The following WDR62 variants were observed in gnomAD, a reference collection of about 807,000 sequenced individuals.
WDR62 encodes WD repeat domain 62, also known as WD repeat-containing protein 62.
Under a neutral mutation model 160.6 loss-of-function variants are expected in WDR62, and 112 were observed. The ratio of observed to expected loss-of-function variants is 0.70; its 90% CI spans 0.60 to 0.82. The LOEUF is 0.82. WDR62 is among the 40% of genes least tolerant of loss of function. The pLI, the probability that WDR62 is intolerant of heterozygous loss-of-function variation, is 0.00. For missense variants in WDR62, 1,819 were observed against 1,983.8 expected (o/e 0.92, Z 1.58); for synonymous variants, 792 against 815.1 (o/e 0.97, Z 0.48).
At position 36,059,988 on chromosome 19, in the gene WDR62, A is replaced by G. The variant is rs771042362; in HGVS notation, c.290A>G (p.Asp97Gly). Residue 97 changes from aspartate to glycine, a missense_variant, in exon 3 of 32, where the codon GAC (aspartate) becomes GGC (glycine). By Grantham distance (94) the Asp-to-Gly change is moderately conservative. This residue lies in a region of WDR62 where 934 missense variants were observed against 1,157.2 expected (regional missense o/e 0.81). Transcript: ENST00000401500. ...YLAGCVVVIL[D>G]PKENKQQHIF... is the part of the protein sequence containing the mutation. ...CCCAGCTGTGTGGTGGTGATTTTGG[A>G]CCCCAAGGAGAACAAGCAGCAGCAC... 1.2e-6 allele frequency: 2 copies of G among 1,614,092 alleles called. No homozygotes were observed. The highest frequency in any genetic ancestry group is 1.6e-4 in the Middle Eastern group (1 of 6,062).
chr19:36,064,796 G>A (rs968486576), intron 3 of WDR62, among the ~76,000 whole-genome samples: 8 of 151,666 alleles, frequency 5.3e-5, no homozygotes, highest in Non-Finnish European at 1.2e-4. Context: ...CAGGCTGTTC[G>A]CGAATTCCTG....
chr19:36,104,812 G>A lies in WDR62; in HGVS notation c.4356G>A (p.Arg1452=), dbSNP rs776064292. The stretch of plus-strand genomic sequence containing the variant: ...TGGACACCGGGCAGCAGCAGGCACG[G>A]ACTGAGCTGGTCTCCACCTTCCTGT... ...GQVDTGQQQA[R]TELVSTFLWI... is the part of the protein sequence containing the mutation. Residue 1452 remains arginine, a synonymous_variant, in exon 32 of 32, where the codon CGG becomes CGA. Coordinates refer to ENST00000401500, the MANE Select transcript of WDR62 (RefSeq NM_001083961.2). 1.9e-6 allele frequency: 3 copies of A among 1,613,610 alleles called. No homozygotes were observed. Among genetic ancestry groups the A allele is most frequent in the Non-Finnish European group, 2.5e-6 (3 of 1,180,016 alleles).
At chr19:36,076,263 G>GT (rs946744804) in intron 9 of WDR62, among the ~76,000 whole-genome samples, 146 of 145,454 alleles carry the variant, frequency 1.0e-3, no homozygotes, top group South Asian at 3.9e-3. Flanking sequence ...AAAAGACCAT[G>GT]TTTTTTTTTT....
At chr19:36,081,904 C>A in intron 10 of WDR62, 1 of 490,638 alleles carries the variant, frequency 2.0e-6, no homozygotes, top group South Asian at 1.5e-5. Flanking sequence ...TGGGAGAGCA[C>A]CTGATGAGCC....
intron 18 of WDR62, 94 bp from the exon 19 acceptor site, chr19:36,092,595 A>G (rs1972688855): frequency 1.3e-6 from 2 of 1,554,186 alleles, no homozygotes; most frequent in East Asian, 4.5e-5. Flanking sequence ...AATGGGGTCC[A>G]GGCTGTGGTG....
intron 1 of WDR62, among the ~76,000 whole-genome samples, chr19:36,058,102 A>G (rs932305753): frequency 1.8e-4 from 28 of 152,214 alleles, no homozygotes; most frequent in African/African-American, 6.8e-4. Flanking sequence ...CTGTAATCCT[A>G]GCACTTTGGG....
At chr19:36,074,476 A>G (rs953867050) in intron 9 of WDR62, among the ~76,000 whole-genome samples, 3 of 152,184 alleles carry the variant, frequency 2.0e-5, no homozygotes, top group Non-Finnish European at 4.4e-5. Context: ...CCTGGGCAAC[A>G]TGAGGAAACC....
At chr19:36,093,998 T>A in intron 19 of WDR62, 33 bp from the exon 20 acceptor site, 1 of 1,612,886 alleles carries the variant, frequency 6.2e-7, no homozygotes, top group Non-Finnish European at 8.5e-7. Context: ...TTTGCCTGTA[T>A]TCTCTCCTTA....
chr19:36,095,192 A>ATT (rs113594323), intron 20 of WDR62, among the ~76,000 whole-genome samples: 133 of 151,852 alleles, frequency 8.8e-4, no homozygotes, highest in African/African-American at 2.9e-3. Flanking sequence ...TAAAAGGAAG[A>ATT]TTTTTTTTTG....
chr19:36,065,557 T>G (rs1050461186), intron 3 of WDR62, among the ~76,000 whole-genome samples: 2 of 152,242 alleles, frequency 1.3e-5, no homozygotes, highest in African/African-American at 4.8e-5. Context: ...TACCTTGATG[T>G]GATGCCTGCC....
At position 36,055,097 on chromosome 19, in the gene WDR62, A is replaced by G; in HGVS notation, c.126A>G (p.Leu42=). Reference sequence around the variant, plus strand: ...CGCCCCCCGCCCCACCAATCTGCCTACGGCGGCGGACGCGACTCTCGACGG... The same window carrying G: ...CGCCCCCCGCCCCACCAATCTGCCTGCGGCGGCGGACGCGACTCTCGACGG... ...SSPPPAPPIC[L]RRRTRLSTAS... Residue 42 remains leucine, a synonymous_variant, in exon 1 of 32, where the codon CTA becomes CTG. Transcript: ENST00000401500. 6.2e-7 allele frequency: 1 copy of G among 1,604,972 alleles called. No homozygotes were observed. Among genetic ancestry groups the G allele is most frequent in the Non-Finnish European group, 8.5e-7 (1 of 1,176,926 alleles).
At chr19:36,084,770 G>C in intron 12 of WDR62, 26 bp downstream of exon 12, 1 of 1,608,450 alleles carries the variant, frequency 6.2e-7, no homozygotes, top group Non-Finnish European at 8.5e-7. Context: ...GGGTGGAATG[G>C]GGGTCAGGCA....
At position 36,104,694 on chromosome 19, in the gene WDR62, T is replaced by G. The variant is rs368063377; in HGVS notation, c.4311+19T>G. ...CCGTGTGGTGAGCTAAGCCCCAGAG[T>G]TGGGAAAGGGTTGAGGGGTCTCTTG... is the stretch of plus-strand genomic sequence containing the variant. On this transcript the variant is annotated intron_variant, in intron 31 of 31. Transcript: ENST00000401500. 7.4e-6 allele frequency: 12 copies of G among 1,613,628 alleles called. No homozygotes were observed. Among genetic ancestry groups the G allele is most frequent in the South Asian group, 1.1e-5 (1 of 91,072 alleles).
chr19:36,091,061 G>T, intron 16 of WDR62, 139 bp from the exon 17 acceptor site: 1 of 725,454 alleles, frequency 1.4e-6, no homozygotes, highest in East Asian at 2.7e-5. Flanking sequence ...ATTTCTTCAC[G>T]TGTCGAATGG....
rs376372977 is a variant in WDR62 at position 36,074,486 on chromosome 19, C to G, written c.1233+955C>G. Among the ~76,000 whole-genome samples the G allele has an allele frequency of 4.5e-4, 68 of 152,150 alleles. No individual in the cohort carries two copies. In the South Asian group the frequency reaches 0.014, roughly 31 times the overall value. ...ATCAGCCTGGGCAACATGAGGAAAC[C>G]CCGGCTTTACAAAAAATACATAAAA... On this transcript the variant is annotated intron_variant, in intron 9 of 31. Transcript: ENST00000401500.
chr19:36,056,783 G>A (rs1278439392), intron 1 of WDR62, among the ~76,000 whole-genome samples: 4 of 151,932 alleles, frequency 2.6e-5, no homozygotes, highest in Non-Finnish European at 4.4e-5. Flanking sequence ...TGTTCTTCCT[G>A]GCAGGTTATG....
In WDR62 at chr19:36,073,424, T is replaced by C. The variant is rs762691493; in HGVS notation, c.1126T>C (p.Cys376Arg). ...CGACCCCATCCACCAGTGGCTGTCC[T>C]GCGTGTATAAGGACCACAGCATCTA... The part of the protein sequence containing the change: ...TFDPIHQWLS[C>R]VYKDHSIYIW... The change falls in exon 9 of 32, where the codon TGC (cysteine) becomes CGC (arginine). Residue 376 changes from cysteine to arginine, a missense_variant. This residue lies in a region of WDR62 where 934 missense variants were observed against 1,157.2 expected (regional missense o/e 0.81). Coordinates refer to ENST00000401500, the MANE Select transcript of WDR62 (RefSeq NM_001083961.2). The C allele has an allele frequency of 2.5e-6, 4 of 1,614,114 alleles. No homozygotes were observed. Among genetic ancestry groups the C allele is most frequent in the Non-Finnish European group, 3.4e-6 (4 of 1,180,010 alleles).
chr19:36,086,020 G>C (rs528967347), intron 12 of WDR62, among the ~76,000 whole-genome samples: 30 of 152,156 alleles, frequency 2.0e-4, no homozygotes, highest in African/African-American at 6.7e-4. Context: ...GGTGGCTCAT[G>C]CCTGTAATCC....
In WDR62 at chr19:36,103,415, C is replaced by G. The variant is rs746924402; in HGVS notation, c.3587C>G (p.Thr1196Arg). The stretch of plus-strand genomic sequence containing the variant: ...CTGCCCACAGACAGGAATCTCCCAA[C>G]GCCCACATCTGCACCCACCCCAGGC... ...SVLPTDRNLP[T>R]PTSAPTPGLA... The change falls in exon 30 of 32, where the codon ACG becomes AGG. Residue 1196 changes from threonine to arginine, a missense_variant. Transcript: ENST00000401500. 3.1e-6 allele frequency: 5 copies of G among 1,614,028 alleles called. No individual in the cohort carries two copies. The highest frequency in any genetic ancestry group is 2.5e-6 in the Non-Finnish European group (3 of 1,180,024).
Sources: allele counts gnomAD v4.1 joint callset (sites outside exome capture counted in the v4.1 genomes callset), GRCh38; gene constraint gnomAD v4.1.1; regional missense constraint gnomAD v4.1.1; transcripts MANE v1.5; gene names NCBI Gene and HGNC (gene_info 2026-07-23, HGNC 2026-07-21).